Variants in CSMD3 observed in about 807,000 individuals in gnomAD.
CSMD3 encodes CUB and Sushi multiple domains 3.
CSMD3 carries 177 observed loss-of-function variants against 435.2 expected under a neutral mutation model. That is an observed-to-expected ratio of 0.41 (90% confidence interval 0.36 to 0.46). CSMD3 has a LOEUF of 0.46. Ranked by LOEUF, CSMD3 falls within the 20% of genes least tolerant of loss-of-function variation. CSMD3 has a pLI of 0.34. For missense variants in CSMD3, 4,265 were observed against 4,504.6 expected (o/e 0.95, Z 1.52); for synonymous variants, 1,656 against 1,520.5 (o/e 1.09, Z -2.07).
chr8:112,460,705 T>A (rs1194479807), intron 32 of CSMD3, among the ~76,000 whole-genome samples: 2 of 152,178 alleles, frequency 1.3e-5, no homozygotes, highest in Non-Finnish European at 2.9e-5. Context: ...TATAAAATAT[T>A]GCTAAAATAA....
rs2130935114 is a variant in CSMD3, at chr8:112,976,089, T to C, written c.1090A>G (p.Thr364Ala). The C allele has an allele frequency of 6.2e-7, 1 of 1,614,038 alleles. No homozygotes were observed. Among genetic ancestry groups the C allele is most frequent in the Non-Finnish European group, 8.5e-7 (1 of 1,179,938 alleles). ...CTAGCAACAGCAATAGCACCAGTGG[T>C]AGTCCTGTTATGCTCCTCTAACTCA... ...TGELEEHNRT[T>A]TGAIAVASTP... The change falls in exon 7 of 71, where the codon ACC becomes GCC. Residue 364 changes from threonine to alanine, a missense_variant. Coordinates refer to ENST00000297405, the MANE Select transcript of CSMD3 (RefSeq NM_198123.2).
At chr8:112,420,928 G>A (rs998141847) in intron 32 of CSMD3, among the ~76,000 whole-genome samples, 11 of 152,070 alleles carry the variant, frequency 7.2e-5, no homozygotes, top group African/African-American at 2.2e-4. Flanking sequence ...CACTCTGCAT[G>A]TTGCCTCCTA....
intron 10 of CSMD3, among the ~76,000 whole-genome samples, chr8:112,899,646 T>C (rs1297492862): frequency 9.9e-6 from 1 of 101,082 alleles, no homozygotes; most frequent in Admixed American, 1.2e-4. Context: ...TATACATATA[T>C]GTGTACGCAA....
chr8:112,409,175 A>G, intron 32 of CSMD3, 143 bp from the exon 33 acceptor site: 1 of 1,453,332 alleles, frequency 6.9e-7, no homozygotes, highest in Non-Finnish European at 9.3e-7. Flanking sequence ...AAAAGAGGAT[A>G]GGTGCCAATT....
intron 5 of CSMD3, among the ~76,000 whole-genome samples, chr8:113,020,133 G>A (rs2086633381): frequency 1.5e-5 from 2 of 134,608 alleles, no homozygotes; most frequent in African/African-American, 2.9e-5. Context: ...ACTGCAGTCC[G>A]CAGTCCGGCC....
chr8:113,422,060 C>T (rs1355192382), intron 1 of CSMD3, among the ~76,000 whole-genome samples: 2 of 152,178 alleles, frequency 1.3e-5, no homozygotes, highest in East Asian at 3.9e-4. Context: ...TTATCTCCCC[C>T]TGTAAATCGT....
chr8:112,757,636 T>G (rs368297202), intron 13 of CSMD3, among the ~76,000 whole-genome samples: 3 of 151,858 alleles, frequency 2.0e-5, no homozygotes, highest in African/African-American at 7.2e-5. Context: ...AGAAGAGCAG[T>G]TGATTTTTAG....
intron 4 of CSMD3, among the ~76,000 whole-genome samples, chr8:113,131,626 G>T (rs561651914): frequency 1.3e-5 from 2 of 152,074 alleles, no homozygotes; most frequent in Non-Finnish European, 2.9e-5. Context: ...GAGAACCTCC[G>T]CTAGGAAAGT....
chr8:113,096,965 G>A (rs1051966641), intron 5 of CSMD3, among the ~76,000 whole-genome samples: 3 of 152,000 alleles, frequency 2.0e-5, no homozygotes, highest in African/African-American at 7.2e-5. Flanking sequence ...TAGACAGAGT[G>A]TAGGGGTACC....
chr8:112,300,699 T>C (rs1286988276), intron 53 of CSMD3, among the ~76,000 whole-genome samples: 5 of 152,134 alleles, frequency 3.3e-5, no homozygotes, highest in African/African-American at 1.2e-4. Flanking sequence ...TATATTCAAA[T>C]ATGTGTGCTC....
chr8:112,234,595 A>T, intron 67 of CSMD3, 118 bp from the exon 68 acceptor site: 1 of 706,400 alleles, frequency 1.4e-6, no homozygotes, highest in Non-Finnish European at 2.5e-6. Flanking sequence ...AAGAAATAAA[A>T]CAAGGGCAAG....
intron 27 of CSMD3, among the ~76,000 whole-genome samples, chr8:112,538,348 C>A (rs1346553016): frequency 6.6e-6 from 1 of 151,686 alleles, no homozygotes; most frequent in South Asian, 2.1e-4. Context: ...AAAGTCCTGC[C>A]CAGATCAATT....
chr8:113,160,252 T>C (rs1298427988), intron 4 of CSMD3, among the ~76,000 whole-genome samples: 1 of 151,840 alleles, frequency 6.6e-6, no homozygotes, highest in African/African-American at 2.4e-5. Context: ...AAAGAAATAA[T>C]CTTATTATTT....
At chr8:113,125,268 C>T (rs2091093984) in intron 4 of CSMD3, among the ~76,000 whole-genome samples, 1 of 151,912 alleles carries the variant, frequency 6.6e-6, no homozygotes, top group African/African-American at 2.4e-5. Flanking sequence ...CACTGGTTTG[C>T]ATGATCCTCC....
intron 1 of CSMD3, among the ~76,000 whole-genome samples, chr8:113,415,973 C>T (rs2094580211): frequency 6.6e-6 from 1 of 152,028 alleles, no homozygotes; most frequent in Non-Finnish European, 1.5e-5. Context: ...CCAGTATATA[C>T]ATGTATCCTA....
rs1045431949 is a variant in CSMD3 at position 113,172,872 on chromosome 8, G to C, written c.709+850C>G. On this transcript the variant is annotated intron_variant, in intron 4 of 70. Transcript: ENST00000297405. ...CACAATGTTGGCCTCCAGAATTTTT[G>C]TAAGAAAAATCCATCCATGTGCTTA... Among the ~76,000 whole-genome samples the C allele has an allele frequency of 5.9e-5, 9 of 152,266 alleles. No individual in the cohort carries two copies. In the East Asian group the frequency reaches 1.5e-3, roughly 26 times the overall value.
chr8:112,520,834 T>G (rs552547228), intron 27 of CSMD3, among the ~76,000 whole-genome samples: 41 of 152,106 alleles, frequency 2.7e-4, no homozygotes, highest in African/African-American at 9.9e-4. Context: ...CATCCCTTAT[T>G]TTGTTTTATT....
At chr8:112,721,295 C>T (rs2076851654) in intron 13 of CSMD3, among the ~76,000 whole-genome samples, 1 of 152,124 alleles carries the variant, frequency 6.6e-6, no homozygotes, top group African/African-American at 2.4e-5. Flanking sequence ...AAAATATTGG[C>T]CGGGCATGGT....
intron 6 of CSMD3, among the ~76,000 whole-genome samples, chr8:112,976,403 A>C (rs566345835): frequency 6.6e-6 from 1 of 152,252 alleles, no homozygotes; most frequent in African/African-American, 2.4e-5. Flanking sequence ...AGCAGGTAAA[A>C]GGGTAAACCC....
Sources: allele counts gnomAD v4.1 joint callset (sites outside exome capture counted in the v4.1 genomes callset), GRCh38; gene constraint gnomAD v4.1.1; transcripts MANE v1.5; gene names NCBI Gene and HGNC (gene_info 2026-07-23, HGNC 2026-07-21).